The following ZMYM2 variants were observed in gnomAD, a reference collection of about 807,000 sequenced individuals.
ZMYM2 encodes zinc finger MYM-type containing 2, also known as zinc finger MYM-type protein 2.
ZMYM2 carries 56 observed loss-of-function variants against 162.8 expected under a neutral mutation model. That is an observed-to-expected ratio of 0.34 (90% confidence interval 0.28 to 0.43). The LOEUF (loss-of-function observed/expected upper bound fraction) is 0.43, where lower values mean the gene tolerates loss of function less well. Ranked by LOEUF, ZMYM2 falls within the 20% of genes least tolerant of loss-of-function variation. The pLI, the probability that ZMYM2 is intolerant of heterozygous loss-of-function variation, is 1.00. For synonymous variants in ZMYM2, 510 were observed against 541.6 expected (o/e 0.94, Z 0.81); for missense variants, 1,275 against 1,621.8 (o/e 0.79, Z 3.67).
chr13:19,883,716 A>T, the ZMYM2 span, among the ~76,000 whole-genome samples: 1 of 152,062 alleles, frequency 6.6e-6, no homozygotes, highest in African/African-American at 2.4e-5. Context: ...TGTAAGACAG[A>T]CTCTTACTTC....
intron 9 of ZMYM2, among the ~76,000 whole-genome samples, chr13:20,029,699 T>TA (rs1445123949): frequency 1.3e-5 from 2 of 152,226 alleles, no homozygotes; most frequent in Non-Finnish European, 2.9e-5. Flanking sequence ...TAATATGGTT[T>TA]AAAAAATGAT....
At chr13:20,068,298 T>C (rs1956829442) in intron 21 of ZMYM2, 2 of 177,732 alleles carry the variant, frequency 1.1e-5, no homozygotes, top group African/African-American at 2.4e-5. Context: ...CACAAACCTC[T>C]GAAAAGCAGA....
chr13:20,086,039 G>A lies in ZMYM2; in HGVS notation c.*25G>A. 1 of 1,602,448 alleles carries A rather than the reference G, an allele frequency of 6.2e-7. No individual in the cohort carries two copies. The highest frequency in any genetic ancestry group is 8.5e-7 in the Non-Finnish European group (1 of 1,172,920). Reference sequence around the variant, plus strand: ...AAAAGGAACGTTGCAGAAGCAATCGGGATAAAACAGCATTAGATAGTCATG... The same window carrying A: ...AAAAGGAACGTTGCAGAAGCAATCGAGATAAAACAGCATTAGATAGTCATG... On this transcript the variant is annotated 3_prime_UTR_variant, in exon 25 of 25. Coordinates refer to ENST00000610343, the MANE Select transcript of ZMYM2 (RefSeq NM_197968.4).
At chr13:20,058,966 GA>G in intron 15 of ZMYM2, 1 of 538,744 alleles carries the variant, frequency 1.9e-6, no homozygotes, top group Admixed American at 2.7e-5. Flanking sequence ...TTTCCTTGGG[GA>G]TAAGACTACT....
intron 6 of ZMYM2, among the ~76,000 whole-genome samples, chr13:20,012,915 G>T (rs1164889008): frequency 6.6e-6 from 1 of 152,056 alleles, no homozygotes; most frequent in Non-Finnish European, 1.5e-5. Flanking sequence ...TTTGTTTTTT[G>T]TCAAGATTGT....
At chr13:19,960,605 C>A (rs942665643) in intron 2 of ZMYM2, among the ~76,000 whole-genome samples, 4 of 152,134 alleles carry the variant, frequency 2.6e-5, no homozygotes, top group Non-Finnish European at 5.9e-5. Flanking sequence ...GCTGATCAGT[C>A]CAGTGTACTG....
chr13:19,934,184 G>C, the ZMYM2 span, among the ~76,000 whole-genome samples: 3 of 151,824 alleles, frequency 2.0e-5, no homozygotes, highest in South Asian at 6.2e-4. Context: ...TTTTTGAGAC[G>C]TAGTCTCGAT....
chr13:19,917,129 AT>A, the ZMYM2 span, among the ~76,000 whole-genome samples: 1 of 151,712 alleles, frequency 6.6e-6, no homozygotes, highest in African/African-American at 2.4e-5. Flanking sequence ...CGCCCGGCTA[AT>A]TTTTTGTATT....
At chr13:19,898,478 C>A in the ZMYM2 span, among the ~76,000 whole-genome samples, 6 of 152,112 alleles carry the variant, frequency 3.9e-5, no homozygotes, top group Non-Finnish European at 7.4e-5. Flanking sequence ...CGTGATCCAC[C>A]CACCTCAGCC....
chr13:20,049,351 A>G (rs1453830190), intron 12 of ZMYM2, among the ~76,000 whole-genome samples: 2 of 151,972 alleles, frequency 1.3e-5, no homozygotes, highest in African/African-American at 4.8e-5. Context: ...GTCTAATTGT[A>G]GAACGATGAA....
At chr13:19,981,548 GC>G (rs1311172706) in intron 2 of ZMYM2, among the ~76,000 whole-genome samples, 1 of 152,102 alleles carries the variant, frequency 6.6e-6, no homozygotes, top group African/African-American at 2.4e-5. Flanking sequence ...TCTCCAAGGA[GC>G]CCTGGTTTCA....
At chr13:19,955,862 G>C (rs1954500438), upstream of ZMYM2, among the ~76,000 whole-genome samples, 1 of 152,174 alleles carries the variant, frequency 6.6e-6, no homozygotes, top group Non-Finnish European at 1.5e-5. Context: ...GAGGTTTTGA[G>C]TGGCCAGATA....
chr13:19,867,213 C>G, the ZMYM2 span, among the ~76,000 whole-genome samples: 1 of 151,934 alleles, frequency 6.6e-6, no homozygotes, highest in Non-Finnish European at 1.5e-5. Flanking sequence ...ATTAGCCAGG[C>G]GTGGTGGCAC....
At position 19,973,151 on chromosome 13, in the gene ZMYM2, A is replaced by G. The variant is rs1313745793; in HGVS notation, c.-11+13125A>G. 4.6e-5 allele frequency among the ~76,000 whole-genome samples: 7 copies of G among 151,346 alleles called. No individual in the cohort carries two copies. The East Asian group carries it at 9.9e-4, about 21-fold the overall frequency. On this transcript the variant is annotated intron_variant, in intron 2 of 24. Transcript: ENST00000610343. ...GGGGTTTCACTGTGTTGGCCAGGCT[A>G]GTCTCAAACTCCTGACCTCAGGTGA...
At chr13:20,037,361 G>A (rs1157138532) in intron 12 of ZMYM2, among the ~76,000 whole-genome samples, 1 of 151,452 alleles carries the variant, frequency 6.6e-6, no homozygotes, top group South Asian at 2.1e-4. Flanking sequence ...GATTACAGGC[G>A]CGTGCCACCA....
At chr13:19,875,950 A>G in the ZMYM2 span, among the ~76,000 whole-genome samples, 18,447 of 152,126 alleles carry the variant, frequency 0.12, 1,396 homozygotes, top group Admixed American at 0.18. Flanking sequence ...CCTAAATGAA[A>G]CAAACCTAAA....
chr13:19,963,360 A>C (rs2139104080), intron 2 of ZMYM2, among the ~76,000 whole-genome samples: 1 of 152,368 alleles, frequency 6.6e-6, no homozygotes, highest in Admixed American at 6.5e-5. Flanking sequence ...ATTCAGATCA[A>C]AAAGTTCTAA....
intron 3 of ZMYM2, 26 bp downstream of exon 3, chr13:19,993,945 C>G: frequency 2.5e-6 from 4 of 1,572,168 alleles, no homozygotes; most frequent in Non-Finnish European, 3.4e-6. Flanking sequence ...TACTCTACTT[C>G]ATGTAAATGA....
At chr13:19,897,515 C>T in the ZMYM2 span, among the ~76,000 whole-genome samples, 3 of 151,280 alleles carry the variant, frequency 2.0e-5, no homozygotes, top group East Asian at 1.9e-4. Context: ...GGGCAGGCGC[C>T]GTGGCCTATG....
Sources: gnomAD v4.1 joint callset for allele counts (sites outside exome capture counted in the v4.1 genomes callset) on GRCh38, gnomAD v4.1.1 for gene constraint, MANE v1.5 for transcripts, NCBI Gene and HGNC (gene_info 2026-07-23, HGNC 2026-07-21) for gene names.